KCTD19: variants seen among roughly 807,000 people sequenced by gnomAD.
KCTD19 encodes BTB/POZ domain-containing protein KCTD19.
Under a neutral mutation model 103.5 loss-of-function variants are expected in KCTD19, and 67 were observed. The ratio of observed to expected loss-of-function variants is 0.65; its 90% CI spans 0.53 to 0.79. The LOEUF (loss-of-function observed/expected upper bound fraction) is 0.79, where lower values mean the gene tolerates loss of function less well. Ranked by LOEUF, KCTD19 falls within the 30% of genes least tolerant of loss-of-function variation. KCTD19 has a pLI of 0.00. For missense variants in KCTD19, 980 were observed against 1,136.1 expected (o/e 0.86, Z 1.98); for synonymous variants, 439 against 452.2 (o/e 0.97, Z 0.37).
At chr16:67,315,904 G>A (rs763948061) in intron 2 of KCTD19, among the ~76,000 whole-genome samples, 3 of 152,142 alleles carry the variant, frequency 2.0e-5, no homozygotes, top group African/African-American at 4.8e-5. Context: ...GTGAGCCACC[G>A]CGTCTGGCCT....
rs551080602 is a variant in KCTD19, at chr16:67,291,128, G to C, written c.2566-142C>G. ...GTCACTGCAAATCTGCCTCTTGGCC[G>C]AGGCTCAGTCCAGGTGCAACTGCTC... On this transcript the variant is annotated intron_variant, in intron 14 of 15. Transcript: ENST00000304372. The C allele has an allele frequency of 1.3e-5, 15 of 1,182,542 alleles. No homozygotes were observed. In the African/African-American group the frequency reaches 2.3e-4, roughly 18 times the overall value. 73.3% of individuals were successfully genotyped at this position (1,182,542 alleles called of 1,614,324 possible). A position where few individuals can be genotyped will look rare whatever the true frequency, so the allele number is the denominator to read the frequency against.
chr16:67,301,933 A>C lies in KCTD19; in HGVS notation c.644-11T>G. On this transcript the variant is annotated splice_polypyrimidine_tract_variant and intron_variant, in intron 4 of 15. Transcript: ENST00000304372. ...AGCGAAGAAAATTCACTTGAAAAAC[A>C]AAGGGGAACACAGTGAGTTAATGAG... 1 of 1,613,802 alleles carries C rather than the reference A, an allele frequency of 6.2e-7. No homozygotes were observed. The highest frequency in any genetic ancestry group is 1.1e-5 in the South Asian group (1 of 91,054).
rs1597401715 is a variant in KCTD19 at position 67,321,823 on chromosome 16, T to C, written c.4-938A>G. 2.0e-5 allele frequency: 3 copies of C among 152,348 alleles called. No homozygotes were observed. In the South Asian group the frequency reaches 6.2e-4, roughly 32 times the overall value. The allele number at this position is 152,348 out of a possible 1,614,324, so 9.4% of individuals were successfully genotyped here. A position where few individuals can be genotyped will look rare whatever the true frequency, so the allele number is the denominator to read the frequency against. ...CCCTTGACTGAAGACTGGTCCTCCT[T>C]TATTGGGGATGGTCGTCCTCTTTGA... is the stretch of plus-strand genomic sequence containing the variant. On this transcript the variant is annotated intron_variant, in intron 1 of 15. Coordinates refer to ENST00000304372, the MANE Select transcript of KCTD19 (RefSeq NM_001100915.3).
At position 67,289,702 on chromosome 16, in the gene KCTD19, T is replaced by G. The variant is rs748421148; in HGVS notation, c.2668-20A>C. The G allele has an allele frequency of 6.4e-7, 1 of 1,560,952 alleles. No individual in the cohort carries two copies. Among genetic ancestry groups the G allele is most frequent in the East Asian group, 2.2e-5 (1 of 44,662 alleles). ...TGTAAGCTGGAAGGAAAGGCCAGTC[T>G]TATCCCTGATTTCCTGGCCAGTTGT... is the stretch of plus-strand genomic sequence containing the variant. On this transcript the variant is annotated intron_variant, in intron 15 of 15. Transcript: ENST00000304372.
chr16:67,311,805 G>A (rs2036952627), intron 2 of KCTD19, among the ~76,000 whole-genome samples: 2 of 152,002 alleles, frequency 1.3e-5, no homozygotes, highest in Admixed American at 6.6e-5. Context: ...ACAAGCAGAT[G>A]AGCCAGCCTG....
intron 2 of KCTD19, among the ~76,000 whole-genome samples, chr16:67,309,906 G>A (rs1389314325): frequency 6.6e-6 from 1 of 152,190 alleles, no homozygotes; most frequent in African/African-American, 2.4e-5. Flanking sequence ...CATGTAAAGT[G>A]TTAGCAGCAC....
Position 67,294,591 on chromosome 16 carries a change from C to G in KCTD19, c.1579G>C (p.Asp527His), listed in dbSNP as rs2036742810. Reference sequence around the variant, plus strand: ...AGGCTGGTGCTTACTTCTTTAGTGTCTCTACTGAACTCCACCAGTGACCCT... The same window carrying G: ...AGGCTGGTGCTTACTTCTTTAGTGTGTCTACTGAACTCCACCAGTGACCCT... ...GPGSLVEFSR[D>H]TKETTAYMPV... Residue 527 changes from aspartate (D) to histidine (H), a missense_variant, in exon 11 of 16, where the codon GAC becomes CAC. Physicochemically the swap from Asp to His is moderately conservative, Grantham distance 81. Coordinates refer to ENST00000304372, the MANE Select transcript of KCTD19 (RefSeq NM_001100915.3). The G allele has an allele frequency of 6.2e-7, 1 of 1,611,282 alleles. No individual in the cohort carries two copies. Among genetic ancestry groups the G allele is most frequent in the South Asian group, 1.1e-5 (1 of 91,034 alleles).
chr16:67,291,048 G>T, intron 14 of KCTD19, 62 bp from the exon 15 acceptor site: 1 of 1,541,450 alleles, frequency 6.5e-7, no homozygotes, highest in Non-Finnish European at 8.9e-7. Context: ...AGAGTGAGAT[G>T]CAGAGCGGGG....
chr16:67,302,581 G>C (rs8051737), intron 4 of KCTD19: 7,895 of 156,920 alleles, frequency 0.05, 610 homozygotes, highest in African/African-American at 0.17. Flanking sequence ...GGGGCAGTAG[G>C]GGGAGAGAGG....
At chr16:67,305,674 A>G in intron 2 of KCTD19, 1 of 449,208 alleles carries the variant, frequency 2.2e-6, no homozygotes, top group South Asian at 1.6e-5. Context: ...TCTTTACGCT[A>G]GAAGAAGATA....
At chr16:67,306,212 G>A (rs1042059266) in intron 2 of KCTD19, among the ~76,000 whole-genome samples, 1 of 152,188 alleles carries the variant, frequency 6.6e-6, no homozygotes, top group Non-Finnish European at 1.5e-5. Context: ...ACTGAGATTA[G>A]AGCCAGTGTC....
At chr16:67,292,593 C>G (rs560448306) in intron 12 of KCTD19, among the ~76,000 whole-genome samples, 110 of 152,234 alleles carry the variant, frequency 7.2e-4, no homozygotes, top group Non-Finnish European at 1.4e-3. Context: ...GGCAAGAGTC[C>G]AAGAAGGCCC....
chr16:67,313,789 T>C (rs776519097), intron 2 of KCTD19, among the ~76,000 whole-genome samples: 62 of 151,832 alleles, frequency 4.1e-4, no homozygotes, highest in Non-Finnish European at 7.1e-4. Flanking sequence ...GGTTTCACCA[T>C]GTTGGTCAGG....
At chr16:67,296,360 C>A (rs879080537) in intron 7 of KCTD19, 101 bp from the exon 8 acceptor site, 14 of 758,314 alleles carry the variant, frequency 1.8e-5, no homozygotes, top group Non-Finnish European at 3.1e-5. Context: ...GTCTCAATAT[C>A]TTTCCTCAGT....
At chr16:67,299,845 A>T in intron 5 of KCTD19, 1 of 498,268 alleles carries the variant, frequency 2.0e-6, no homozygotes, top group East Asian at 3.5e-5. Context: ...CCTAAGTTTC[A>T]GGAAAGCAGC....
At position 67,289,697 on chromosome 16, in the gene KCTD19, C is replaced by T; in HGVS notation, c.2668-15G>A. The T allele has an allele frequency of 4.4e-6, 7 of 1,577,598 alleles. No individual in the cohort carries two copies. Among genetic ancestry groups the T allele is most frequent in the Non-Finnish European group, 5.2e-6 (6 of 1,147,092 alleles). On this transcript the variant is annotated splice_polypyrimidine_tract_variant and intron_variant, in intron 15 of 15. Transcript: ENST00000304372. ...GGCAGTGTAAGCTGGAAGGAAAGGCCAGTCTTATCCCTGATTTCCTGGCCA... is the reference window on the plus strand; with the variant it reads ...GGCAGTGTAAGCTGGAAGGAAAGGCTAGTCTTATCCCTGATTTCCTGGCCA...
chr16:67,325,762 T>C (rs1445798565), intron 1 of KCTD19, among the ~76,000 whole-genome samples: 1 of 152,164 alleles, frequency 6.6e-6, no homozygotes, highest in African/African-American at 2.4e-5. Context: ...GGGGAACCTG[T>C]GGTGCTTGAA....
chr16:67,299,526 C>G lies in KCTD19; in HGVS notation c.823G>C (p.Ala275Pro). The change falls in exon 6 of 16, where the codon GCC (alanine) becomes CCC (proline). Residue 275 changes from alanine (A) to proline (P), a missense_variant. Physicochemically the swap from Ala to Pro is conservative, Grantham distance 27 (BLOSUM62 -1). Coordinates refer to ENST00000304372, the MANE Select transcript of KCTD19 (RefSeq NM_001100915.3). Reference sequence around the variant, plus strand: ...ACGGACTCCAGGCTGGCTGTGCGGGCCCCCTTCCCGGGGCTCAGGGGAGAA... The same window carrying G: ...ACGGACTCCAGGCTGGCTGTGCGGGGCCCCTTCCCGGGGCTCAGGGGAGAA... Reference protein sequence around the residue: ...TCSPLSPGKGARTASLESVKP... With the variant: ...TCSPLSPGKGPRTASLESVKP... 6.2e-7 allele frequency: 1 copy of G among 1,614,010 alleles called. No homozygotes were observed. Among genetic ancestry groups the G allele is most frequent in the Non-Finnish European group, 8.5e-7 (1 of 1,180,030 alleles).
Position 67,295,344 on chromosome 16 carries a change from A to T in KCTD19, c.1310T>A (p.Leu437His), listed in dbSNP as rs2036752965. The change falls in exon 9 of 16, where the codon CTC becomes CAC. Residue 437 changes from leucine (L) to histidine (H), a missense_variant. By Grantham distance (99) the Leu-to-His change is moderately conservative. Coordinates refer to ENST00000304372, the MANE Select transcript of KCTD19 (RefSeq NM_001100915.3). Reference sequence around the variant, plus strand: ...GAACATCTGGCCATCCCCGTGGATGAGCAGGGTTTGTCCATATGTGATCCA... The same window carrying T: ...GAACATCTGGCCATCCCCGTGGATGTGCAGGGTTTGTCCATATGTGATCCA... ...VYWITYGQTL[L>H]IHGDGQMFRH... 1 of 1,614,154 alleles carries T rather than the reference A, an allele frequency of 6.2e-7. No homozygotes were observed. Among genetic ancestry groups the T allele is most frequent in the Non-Finnish European group, 8.5e-7 (1 of 1,179,994 alleles).
Sources: gnomAD v4.1 joint callset for allele counts (sites outside exome capture counted in the v4.1 genomes callset) on GRCh38, gnomAD v4.1.1 for gene constraint, MANE v1.5 for transcripts, NCBI Gene and HGNC (gene_info 2026-07-23, HGNC 2026-07-21) for gene names.